The following CLVS2 variants were observed in gnomAD, a reference collection of about 807,000 sequenced individuals.
CLVS2 encodes clavesin 2, also known as clavesin-2.
A neutral mutation model predicts 29.0 loss-of-function variants in CLVS2; 19 were observed. The observed-to-expected ratio is 0.66, with a 90% CI of 0.46 to 0.96. The LOEUF is 0.96. Among genes scored for constraint, CLVS2 ranks in the 40% least tolerant of loss-of-function variants. CLVS2 has a pLI of 0.00. For synonymous variants in CLVS2, 161 were observed against 151.3 expected, an observed-to-expected ratio of 1.06 and a Z score of -0.47; for missense variants, 294 against 404.1, an observed-to-expected ratio of 0.73 and a Z score of 2.34.
intron 4 of CLVS2, among the ~76,000 whole-genome samples, chr6:123,050,080 C>T (rs1772582430): frequency 6.6e-6 from 1 of 152,142 alleles, no homozygotes; most frequent in South Asian, 2.1e-4. Context: ...AGAGGGTTTA[C>T]TGTAAATGAA....
rs1214111719 is a variant in CLVS2, at chr6:123,063,573, G to A, written c.897-101G>A. On this transcript the variant is annotated intron_variant, in intron 5 of 5. Coordinates refer to ENST00000275162, the MANE Select transcript of CLVS2 (RefSeq NM_001010852.4). Reference sequence around the variant, plus strand: ...ATAAATTTCTTGATATAGAGGAAGGGAATTCACATTCCTGGGAGAAGTAAT... The same window carrying A: ...ATAAATTTCTTGATATAGAGGAAGGAAATTCACATTCCTGGGAGAAGTAAT... 2.7e-5 allele frequency: 18 copies of A among 677,354 alleles called. No homozygotes were observed. In the East Asian group the frequency reaches 4.0e-4, roughly 15 times the overall value. 42.0% of individuals were successfully genotyped at this position (677,354 alleles called of 1,614,324 possible).
chr6:122,999,090 T>C (rs1774552579), intron 2 of CLVS2, among the ~76,000 whole-genome samples: 1 of 152,206 alleles, frequency 6.6e-6, no homozygotes, highest in African/African-American at 2.4e-5. Flanking sequence ...CAAAGTTAAA[T>C]ATATTTCATG....
chr6:123,004,738 C>A lies in CLVS2; in HGVS notation c.390-6247C>A, dbSNP rs1169709633. ...TACCAGCCTGGCCAACATGGTGAAACCCCGTCTCTACTAAAATTACAAAAA... is the reference window on the plus strand; with the variant it reads ...TACCAGCCTGGCCAACATGGTGAAAACCCGTCTCTACTAAAATTACAAAAA... On this transcript the variant is annotated intron_variant, in intron 2 of 5. Transcript: ENST00000275162. Among the ~76,000 whole-genome samples the A allele has an allele frequency of 3.3e-5, 5 of 152,006 alleles. No homozygotes were observed. The South Asian group carries it at 6.2e-4, about 19-fold the overall frequency.
intron 4 of CLVS2, among the ~76,000 whole-genome samples, chr6:123,054,685 A>T (rs1049054808): frequency 1.3e-5 from 2 of 152,212 alleles, no homozygotes; most frequent in Non-Finnish European, 2.9e-5. Context: ...TGAAATAAAT[A>T]TTATATAAAT....
chr6:123,027,647 C>T (rs1582652703), intron 3 of CLVS2, among the ~76,000 whole-genome samples: 1 of 152,240 alleles, frequency 6.6e-6, no homozygotes, highest in East Asian at 1.9e-4. Flanking sequence ...CTGGTTTTCT[C>T]ATCTTGTTTC....
intron 3 of CLVS2, among the ~76,000 whole-genome samples, chr6:123,020,343 G>A (rs1774902376): frequency 6.6e-6 from 1 of 151,992 alleles, no homozygotes; most frequent in South Asian, 2.1e-4. Flanking sequence ...TGCTCAAAAA[G>A]TTTTGAATAT....
rs755563448 is a variant in CLVS2, at chr6:123,055,969, C to A, written c.839C>A (p.Ser280Tyr). Reference protein sequence around the residue: ...YDDDSEYNVDSYSMPVKEVEK... With the variant: ...YDDDSEYNVDYYSMPVKEVEK... The stretch of plus-strand genomic sequence containing the variant: ...GATGACAGCGAGTACAATGTAGACT[C>A]CTACAGCATGCCTGTGAAGGAAGTA... Residue 280 changes from serine (S) to tyrosine (Y), a missense_variant, in exon 5 of 6, where the codon TCC (serine) becomes TAC (tyrosine). Coordinates refer to ENST00000275162, the MANE Select transcript of CLVS2 (RefSeq NM_001010852.4). The A allele has an allele frequency of 6.8e-6, 11 of 1,613,880 alleles. No homozygotes were observed. In the South Asian group the frequency reaches 1.2e-4, roughly 18 times the overall value.
chr6:123,007,965 G>T (rs1203923118), intron 2 of CLVS2, among the ~76,000 whole-genome samples: 1 of 152,132 alleles, frequency 6.6e-6, no homozygotes. Context: ...TTAAAAAGGA[G>T]AGTATGGCAG....
intron 2 of CLVS2, among the ~76,000 whole-genome samples, chr6:123,000,239 C>T (rs868779765): frequency 6.6e-6 from 1 of 152,054 alleles, no homozygotes; most frequent in Non-Finnish European, 1.5e-5. Flanking sequence ...AAGAAATTAT[C>T]GCACCTCAAG....
chr6:123,005,508 C>T lies in CLVS2; in HGVS notation c.390-5477C>T, dbSNP rs528649578. Among the ~76,000 whole-genome samples the T allele has an allele frequency of 6.6e-5, 10 of 152,208 alleles. No homozygotes were observed. The South Asian group carries it at 8.3e-4, about 13-fold the overall frequency. ...ATTGCTGGTGTTATGCTGCTCAGTG[C>T]GATGCCAAGATGCTAGTTTTTTCTT... On this transcript the variant is annotated intron_variant, in intron 2 of 5. Coordinates refer to ENST00000275162, the MANE Select transcript of CLVS2 (RefSeq NM_001010852.4).
chr6:123,027,477 T>C (rs990624606), intron 3 of CLVS2, among the ~76,000 whole-genome samples: 8 of 152,166 alleles, frequency 5.3e-5, no homozygotes, highest in African/African-American at 1.9e-4. Context: ...ACATTTTTCT[T>C]CCATCCTCAT....
intron 3 of CLVS2, among the ~76,000 whole-genome samples, chr6:123,026,384 A>G (rs1270657651): frequency 6.6e-6 from 1 of 152,186 alleles, no homozygotes; most frequent in East Asian, 1.9e-4. Flanking sequence ...GTAAAAAGTA[A>G]AGCAAATTAT....
chr6:123,028,646 G>A (rs1329872261), intron 3 of CLVS2, among the ~76,000 whole-genome samples: 1 of 152,084 alleles, frequency 6.6e-6, no homozygotes, highest in Non-Finnish European at 1.5e-5. Context: ...CTTGAACACA[G>A]GATTAATGCC....
At chr6:123,050,001 G>A (rs1289823040) in intron 4 of CLVS2, among the ~76,000 whole-genome samples, 1 of 152,050 alleles carries the variant, frequency 6.6e-6, no homozygotes, top group African/African-American at 2.4e-5. Context: ...TGAACAAAGG[G>A]CTTACTGTAA....
intron 3 of CLVS2, among the ~76,000 whole-genome samples, 153 bp from the exon 4 acceptor site, chr6:123,048,464 TGTTTA>T: frequency 6.6e-6 from 1 of 152,300 alleles, no homozygotes; most frequent in East Asian, 1.9e-4. Context: ...AAAAGTACAA[TGTTTA>T]ACGTGGTAAG....
At chr6:123,006,337 G>A (rs998192037) in intron 2 of CLVS2, among the ~76,000 whole-genome samples, 1 of 152,206 alleles carries the variant, frequency 6.6e-6, no homozygotes, top group East Asian at 1.9e-4. Flanking sequence ...TGGTTATTAA[G>A]GGAATGGTGC....
chr6:123,020,774 A>T (rs1321784468), intron 3 of CLVS2, among the ~76,000 whole-genome samples: 2 of 152,052 alleles, frequency 1.3e-5, no homozygotes, highest in African/African-American at 4.8e-5. Context: ...TTACATTATC[A>T]TTACTTAGTC....
intron 3 of CLVS2, among the ~76,000 whole-genome samples, chr6:123,034,828 GGGGTGCAT>G (rs1224367083): frequency 2.6e-5 from 4 of 152,084 alleles, no homozygotes; most frequent in African/African-American, 9.7e-5. Flanking sequence ...AGCCGGGCAA[GGGGTGCAT>G]GGGACCACAC....
intron 2 of CLVS2, among the ~76,000 whole-genome samples, chr6:123,001,908 C>T (rs1010283806): frequency 1.3e-5 from 2 of 152,136 alleles, no homozygotes; most frequent in African/African-American, 4.8e-5. Flanking sequence ...ATTGTGTCAC[C>T]TGAAACATAA....
Sources: allele counts gnomAD v4.1 joint callset (sites outside exome capture counted in the v4.1 genomes callset), GRCh38; gene constraint gnomAD v4.1.1; transcripts MANE v1.5; gene names NCBI Gene and HGNC (gene_info 2026-07-23, HGNC 2026-07-21).